NCAM2: variants seen among roughly 807,000 people sequenced by gnomAD.
NCAM2 encodes neural cell adhesion molecule 2, also known as N-CAM-2.
NCAM2 carries 30 observed loss-of-function variants against 98.1 expected under a neutral mutation model. The observed-to-expected ratio is 0.31, with a 90% confidence interval of 0.23 to 0.41. The LOEUF is 0.41. Among genes scored for constraint, NCAM2 ranks in the 10% least tolerant of loss-of-function variants. The pLI, the probability that NCAM2 is intolerant of heterozygous loss-of-function variation, is 1.00. For synonymous variants in NCAM2, 368 were observed against 342.4 expected, an observed-to-expected ratio of 1.07 and a Z score of -0.83; for missense variants, 867 against 1,005.8, an observed-to-expected ratio of 0.86 and a Z score of 1.87.
At chr21:21,022,614 TAAAGA>T (rs1464451184) in intron 1 of NCAM2, among the ~76,000 whole-genome samples, 1 of 152,150 alleles carries the variant, frequency 6.6e-6, no homozygotes, top group Non-Finnish European at 1.5e-5. Flanking sequence ...CCTCTGTATC[TAAAGA>T]ATAGATTAAA....
intron 15 of NCAM2, among the ~76,000 whole-genome samples, chr21:21,505,613 T>A (rs1987932626): frequency 1.3e-5 from 2 of 151,958 alleles, no homozygotes; most frequent in South Asian, 4.1e-4. Flanking sequence ...AAAACTTACT[T>A]TAGCCTCAAG....
At chr21:21,488,869 A>G (rs1451043382) in intron 15 of NCAM2, among the ~76,000 whole-genome samples, 1 of 152,040 alleles carries the variant, frequency 6.6e-6, no homozygotes, top group East Asian at 1.9e-4. Flanking sequence ...ATACCTAAAT[A>G]TGTAACTTTA....
intron 1 of NCAM2, among the ~76,000 whole-genome samples, chr21:21,277,099 G>T (rs1464304567): frequency 6.6e-6 from 1 of 151,976 alleles, no homozygotes; most frequent in Non-Finnish European, 1.5e-5. Context: ...TCAGTGGTAG[G>T]CATTAAGTAA....
At position 21,540,875 on chromosome 21, in the gene NCAM2, C is replaced by T. The variant is rs1232636773; in HGVS notation, c.*2918C>T. 6.6e-6 allele frequency: 1 copy of T among 151,688 alleles called. No individual in the cohort carries two copies. The highest frequency in any genetic ancestry group is 2.4e-5 in the African/African-American group (1 of 41,340). 9.4% of individuals were successfully genotyped at this position (151,688 alleles called of 1,614,324 possible). On this transcript the variant is annotated 3_prime_UTR_variant, in exon 18 of 18. Coordinates refer to ENST00000400546, the MANE Select transcript of NCAM2 (RefSeq NM_004540.5). ...AGAATTTTGACACAAATTAATGTGT[C>T]AACATATTTTACAATGATTGTCAAA... is the stretch of plus-strand genomic sequence containing the variant.
chr21:21,153,193 A>G (rs962747454), intron 1 of NCAM2, among the ~76,000 whole-genome samples: 5 of 150,552 alleles, frequency 3.3e-5, no homozygotes, highest in Admixed American at 6.6e-5. Context: ...TTTTGTAATA[A>G]TGTATTAGTA....
intron 1 of NCAM2, chr21:21,210,785 C>T (rs2069622774): frequency 6.1e-6 from 3 of 495,500 alleles, no homozygotes; most frequent in Non-Finnish European, 9.3e-6. Flanking sequence ...TTTACTAGAA[C>T]TCCCCTAGAG....
intron 9 of NCAM2, among the ~76,000 whole-genome samples, chr21:21,404,610 A>G (rs1434488767): frequency 6.6e-6 from 1 of 152,052 alleles, no homozygotes; most frequent in Non-Finnish European, 1.5e-5. Context: ...GAACTAATAC[A>G]GTATATATTT....
chr21:21,251,570 G>T (rs972656183), intron 1 of NCAM2, among the ~76,000 whole-genome samples: 89 of 152,080 alleles, frequency 5.9e-4, no homozygotes, highest in African/African-American at 2.1e-3. Flanking sequence ...GCGCATTTGA[G>T]TTGGTTACAA....
intron 5 of NCAM2, among the ~76,000 whole-genome samples, chr21:21,317,256 A>G (rs1349335992): frequency 6.6e-6 from 1 of 152,222 alleles, no homozygotes; most frequent in Non-Finnish European, 1.5e-5. Context: ...GCCTCCTGCT[A>G]TCAGGAACTT....
intron 1 of NCAM2, among the ~76,000 whole-genome samples, chr21:21,080,194 C>A (rs577927337): frequency 6.6e-6 from 1 of 152,072 alleles, no homozygotes; most frequent in African/African-American, 2.4e-5. Context: ...TTGCTCAGTC[C>A]CATCAAATTG....
chr21:21,112,848 C>G (rs897715699), intron 1 of NCAM2, among the ~76,000 whole-genome samples: 2 of 152,150 alleles, frequency 1.3e-5, no homozygotes, highest in Non-Finnish European at 2.9e-5. Flanking sequence ...ATAGTAAAAG[C>G]ATATCTTTGA....
intron 1 of NCAM2, among the ~76,000 whole-genome samples, chr21:21,094,907 A>C (rs1005192657): frequency 2.0e-5 from 3 of 151,814 alleles, no homozygotes; most frequent in Non-Finnish European, 3.0e-5. Context: ...ATATTGGTAT[A>C]TATTAAAAGC....
At chr21:21,139,703 G>C (rs1236105817) in intron 1 of NCAM2, among the ~76,000 whole-genome samples, 1 of 152,020 alleles carries the variant, frequency 6.6e-6, no homozygotes, top group Non-Finnish European at 1.5e-5. Context: ...TATGTGTGCA[G>C]AAGTATATAA....
intron 1 of NCAM2, among the ~76,000 whole-genome samples, chr21:21,029,120 A>G (rs1207114359): frequency 6.6e-6 from 1 of 152,240 alleles, no homozygotes; most frequent in African/African-American, 2.4e-5. Flanking sequence ...GAAACCCACA[A>G]TCTTTGTTTT....
At chr21:21,507,253 TC>T (rs533464704) in intron 15 of NCAM2, among the ~76,000 whole-genome samples, 177 of 152,272 alleles carry the variant, frequency 1.2e-3, no homozygotes, top group African/African-American at 3.8e-3. Flanking sequence ...GATCACTATT[TC>T]CTTTGGATCA....
intron 5 of NCAM2, among the ~76,000 whole-genome samples, chr21:21,295,394 A>G (rs2073440900): frequency 6.6e-6 from 1 of 151,644 alleles, no homozygotes; most frequent in African/African-American, 2.4e-5. Context: ...ATGCCTGGGT[A>G]TTGTTTTTCA....
rs149413442 is a variant in NCAM2 at position 21,064,231 on chromosome 21, G to C, written c.55+65613G>C. Among the ~76,000 whole-genome samples, 427 of 152,276 alleles carry C rather than the reference G, an allele frequency of 2.8e-3. 3 individuals carry two copies. The highest frequency in any genetic ancestry group is 9.9e-3 in the African/African-American group (410 of 41,552). On this transcript the variant is annotated intron_variant, in intron 1 of 17. Transcript: ENST00000400546. ...AGCCACTGAGGGCGTGCTAAGAATT[G>C]TGACTTCAATCCAAGTACAAAACCC...
At chr21:21,414,474 T>TA (rs987023041) in intron 10 of NCAM2, among the ~76,000 whole-genome samples, 1 of 7,746 alleles carries the variant, frequency 1.3e-4, no homozygotes, top group East Asian at 0.042. Context: ...TTGTTGTGTG[T>TA]TTTTTTTTTT....
intron 5 of NCAM2, among the ~76,000 whole-genome samples, chr21:21,299,736 T>C (rs1212652343): frequency 2.6e-5 from 4 of 151,870 alleles, no homozygotes; most frequent in African/African-American, 9.7e-5. Context: ...GATCTCATAG[T>C]ACTAGGTCCA....
Sources: allele counts gnomAD v4.1 joint callset (sites outside exome capture counted in the v4.1 genomes callset), GRCh38; gene constraint gnomAD v4.1.1; transcripts MANE v1.5; gene names NCBI Gene and HGNC (gene_info 2026-07-23, HGNC 2026-07-21).